ADAMTS2: variants seen among roughly 807,000 people sequenced by gnomAD.
ADAMTS2 encodes A disintegrin and metalloproteinase with thrombospondin motifs 2.
ADAMTS2 carries 50 observed loss-of-function variants against 123.0 expected under a neutral mutation model. The observed-to-expected ratio is 0.41, with a 90% CI of 0.32 to 0.51. The LOEUF is 0.51. ADAMTS2 is among the 20% of genes least tolerant of loss of function. The probability of loss-of-function intolerance (pLI) is 0.35; values close to 1 mark genes in which losing one functional copy is unlikely to be tolerated. For missense variants in ADAMTS2, 1,494 were observed against 1,705.2 expected, an observed-to-expected ratio of 0.88 and a Z score of 2.18; for synonymous variants, 678 against 695.4, an observed-to-expected ratio of 0.98 and a Z score of 0.39.
chr5:179,262,603 G>A lies in ADAMTS2; in HGVS notation c.688+10308C>T, dbSNP rs1298744099. ...TCACGCTGCGGTAACTCCAGCCTCA[G>A]GGCTCCTGCATGTGCTGTTCCCTCT... is the stretch of plus-strand genomic sequence containing the variant. On this transcript the variant is annotated intron_variant, in intron 3 of 21. Transcript: ENST00000251582. This position sits in a 1 kb window ranked among gnomAD's most constrained non-coding sequence, Gnocchi z 5.9. 6.6e-6 allele frequency among the ~76,000 whole-genome samples: 1 copy of A among 152,138 alleles called. No homozygotes were observed. Among genetic ancestry groups the A allele is most frequent in the Non-Finnish European group, 1.5e-5 (1 of 68,014 alleles).
chr5:179,287,985 G>A (rs532694116), intron 2 of ADAMTS2, among the ~76,000 whole-genome samples: 1 of 152,380 alleles, frequency 6.6e-6, no homozygotes, highest in South Asian at 2.1e-4. Flanking sequence ...TTCCCCCAGA[G>A]GGGGCTGCAG....
At chr5:179,325,310 G>A (rs952978813) in intron 2 of ADAMTS2, among the ~76,000 whole-genome samples, 7 of 152,252 alleles carry the variant, frequency 4.6e-5, no homozygotes, top group African/African-American at 1.4e-4. Context: ...GGAGCATTTC[G>A]GGTGGGGCAC....
chr5:179,178,680 T>C (rs1013532162), intron 5 of ADAMTS2, among the ~76,000 whole-genome samples: 2 of 152,262 alleles, frequency 1.3e-5, no homozygotes, highest in African/African-American at 4.8e-5. Context: ...ATTGATTCTA[T>C]GTGTTTCTTC....
At chr5:179,261,905 C>T (rs1766234543) in intron 3 of ADAMTS2, among the ~76,000 whole-genome samples, 1 of 152,212 alleles carries the variant, frequency 6.6e-6, no homozygotes, top group Non-Finnish European at 1.5e-5. Flanking sequence ...CTCACACTGT[C>T]CCTGACAGCC....
chr5:179,179,444 C>T (rs901799806), intron 5 of ADAMTS2, among the ~76,000 whole-genome samples: 3 of 152,042 alleles, frequency 2.0e-5, no homozygotes, highest in East Asian at 1.9e-4. Flanking sequence ...TATGATTCCT[C>T]GAAAAGAAGG....
intron 11 of ADAMTS2, among the ~76,000 whole-genome samples, chr5:179,138,826 C>T (rs1443898324): frequency 6.6e-6 from 1 of 152,166 alleles, no homozygotes. Context: ...CGGGCCTGGC[C>T]AGAGCAAGGA....
chr5:179,181,620 G>A lies in ADAMTS2; in HGVS notation c.892-465C>T, dbSNP rs1377785365. ...TACCTGCATCGCTACTTGGAAATGGGGGCGGTTCTAGGCCCACCACCAGGT... is the reference window on the plus strand; with the variant it reads ...TACCTGCATCGCTACTTGGAAATGGAGGCGGTTCTAGGCCCACCACCAGGT... On this transcript the variant is annotated intron_variant, in intron 4 of 21. Transcript: ENST00000251582. This position sits in a 1 kb window ranked among gnomAD's most constrained non-coding sequence, Gnocchi z 4.1. Among the ~76,000 whole-genome samples the A allele has an allele frequency of 6.6e-6, 1 of 152,132 alleles. No individual in the cohort carries two copies. Among genetic ancestry groups the A allele is most frequent in the African/African-American group, 2.4e-5 (1 of 41,428 alleles).
Position 179,153,481 on chromosome 5 carries a change from G to A in ADAMTS2, c.1515+10C>T, listed in dbSNP as rs1044323118. ...CTGGGAGGGTCCCGGCTGCAGGGCT[G>A]CACACTCACCGCCGTGCACATCATG... On this transcript the variant is annotated intron_variant, in intron 9 of 21. Transcript: ENST00000251582. 1.2e-6 allele frequency: 2 copies of A among 1,607,042 alleles called. No homozygotes were observed. Among genetic ancestry groups the A allele is most frequent in the Non-Finnish European group, 1.7e-6 (2 of 1,179,820 alleles).
chr5:179,336,339 C>T (rs559955091), intron 2 of ADAMTS2, among the ~76,000 whole-genome samples: 10 of 152,352 alleles, frequency 6.6e-5, no homozygotes, highest in Admixed American at 2.0e-4. Context: ...AATACCTATC[C>T]CTGGAGGAAG....
Position 179,328,157 on chromosome 5 carries a change from C to T in ADAMTS2, c.534+15610G>A, listed in dbSNP as rs1398658067. On this transcript the variant is annotated intron_variant, in intron 2 of 21. Transcript: ENST00000251582. ...ACGCCATTCTCCTGCCTCAGCCTCC[C>T]GAGTAGCTGGGACTACAGGCGCGCA... Among the ~76,000 whole-genome samples, 6 of 152,290 alleles carry T rather than the reference C, an allele frequency of 3.9e-5. No homozygotes were observed. The South Asian group carries it at 6.2e-4, about 16-fold the overall frequency.
intron 1 of ADAMTS2, among the ~76,000 whole-genome samples, chr5:179,344,780 C>T (rs1757892716): frequency 6.6e-6 from 1 of 152,204 alleles, no homozygotes; most frequent in Non-Finnish European, 1.5e-5. Flanking sequence ...CCCTGCGGGG[C>T]GCCCCAACCA....
intron 2 of ADAMTS2, among the ~76,000 whole-genome samples, chr5:179,323,139 G>A (rs408508): frequency 6.6e-6 from 1 of 152,168 alleles, no homozygotes; most frequent in Admixed American, 6.5e-5. Flanking sequence ...TGGTGCCCTC[G>A]AGAGGCAGGC....
chr5:179,199,295 C>T (rs1239624171), intron 4 of ADAMTS2, among the ~76,000 whole-genome samples: 2 of 152,168 alleles, frequency 1.3e-5, no homozygotes, highest in African/African-American at 4.8e-5. Context: ...CTTTCAGCTG[C>T]CCCCAGCAGG....
At chr5:179,176,488 A>G (rs1405273399) in intron 5 of ADAMTS2, among the ~76,000 whole-genome samples, 1 of 151,978 alleles carries the variant, frequency 6.6e-6, no homozygotes, top group African/African-American at 2.4e-5. Flanking sequence ...GTGCTCCCCA[A>G]TCTCAGGGGT....
In ADAMTS2 at chr5:179,121,656, G is replaced by A. The variant is rs759395261; in HGVS notation, c.3178+5C>T. The A allele has an allele frequency of 3.3e-5, 52 of 1,599,702 alleles. No individual in the cohort carries two copies. Among genetic ancestry groups the A allele is most frequent in the Non-Finnish European group, 3.8e-5 (44 of 1,172,656 alleles). Reference sequence around the variant, plus strand: ...CAGAGGCAGAGTTATAAACGGGTCGGTTACTTGACGAGATCTTCCGGATGG... The same window carrying A: ...CAGAGGCAGAGTTATAAACGGGTCGATTACTTGACGAGATCTTCCGGATGG... On this transcript the variant is annotated splice_donor_5th_base_variant and intron_variant, in intron 21 of 21. Transcript: ENST00000251582.
intron 15 of ADAMTS2, among the ~76,000 whole-genome samples, chr5:179,131,299 C>T (rs1353932685): frequency 4.0e-5 from 4 of 101,262 alleles, no homozygotes; most frequent in Admixed American, 1.6e-4. Context: ...GGCGACAGAG[C>T]GAGACTCAAA....
chr5:179,281,676 G>A (rs1760236073), intron 2 of ADAMTS2, among the ~76,000 whole-genome samples: 1 of 152,216 alleles, frequency 6.6e-6, no homozygotes, highest in Non-Finnish European at 1.5e-5. Flanking sequence ...GTGTGGACAT[G>A]TGTTTTCATT....
chr5:179,208,589 G>A (rs1207163260), intron 3 of ADAMTS2, among the ~76,000 whole-genome samples: 1 of 152,138 alleles, frequency 6.6e-6, no homozygotes, highest in Non-Finnish European at 1.5e-5. Flanking sequence ...TGTCTCTGCT[G>A]TGTTCTGTGT....
intron 4 of ADAMTS2, 24 bp downstream of exon 4, chr5:179,207,485 ACCCT>A: frequency 1.7e-6 from 1 of 587,016 alleles, no homozygotes. Context: ...TCCCCGCCCC[ACCCT>A]GCCCCCTCAG....
Sources: gnomAD v4.1 joint callset for allele counts (sites outside exome capture counted in the v4.1 genomes callset) on GRCh38, gnomAD v4.1.1 for gene constraint, Gnocchi (gnomAD v3.1) non-coding constraint, MANE v1.5 for transcripts, NCBI Gene and HGNC (gene_info 2026-07-23, HGNC 2026-07-21) for gene names.